The following ZNF484 variants were observed in gnomAD, a reference collection of about 807,000 sequenced individuals.
ZNF484 encodes zinc finger protein 484.
In ZNF484, 11 loss-of-function variants were observed where a neutral mutation model predicts 12.9. That is an observed-to-expected ratio of 0.85 (90% CI 0.54 to 1.41). The LOEUF (loss-of-function observed/expected upper bound fraction) is 1.41. Among genes scored for constraint, ZNF484 ranks in the 40% most tolerant of loss-of-function variants. The probability of loss-of-function intolerance (pLI) is 0.00; values close to 1 mark genes in which losing one functional copy is unlikely to be tolerated. For missense variants in ZNF484, 807 were observed against 1,007.7 expected (o/e 0.80, Z 2.70); for synonymous variants, 289 against 334.1 (o/e 0.86, Z 1.47).
In ZNF484 at chr9:92,846,174, C is replaced by G. The variant is rs1232946916; in HGVS notation, c.*54G>C. On this transcript the variant is annotated 3_prime_UTR_variant, in exon 5 of 5. Coordinates refer to ENST00000375495, the MANE Select transcript of ZNF484 (RefSeq NM_031486.4). ...TGCTTAAACACTCTCAAAAGTGTCT[C>G]CCCATATGTGTAACTACACATCAGC... 1.9e-6 allele frequency: 3 copies of G among 1,552,820 alleles called. No homozygotes were observed. Among genetic ancestry groups the G allele is most frequent in the Non-Finnish European group, 2.6e-6 (3 of 1,148,100 alleles).
Position 92,872,511 on chromosome 9 carries a change from A to C in ZNF484, c.15+2504T>G, listed in dbSNP as rs1241389484. 1.5e-3 allele frequency among the ~76,000 whole-genome samples: 207 copies of C among 141,128 alleles called. 1 individual carries two copies. The highest frequency in any genetic ancestry group is 2.3e-3 in the Non-Finnish European group (150 of 65,334). 92.6% of individuals were successfully genotyped at this position (141,128 alleles called of 152,430 possible). A position where few individuals can be genotyped will look rare whatever the true frequency, so the allele number is the denominator to read the frequency against. ...GCCTCAAAAAAAAAAAAAAAAAAAAAAGTTAAAGGAGAGGCAATAAAAGAG... is the reference window on the plus strand; with the variant it reads ...GCCTCAAAAAAAAAAAAAAAAAAAACAGTTAAAGGAGAGGCAATAAAAGAG... On this transcript the variant is annotated intron_variant, in intron 2 of 4. Transcript: ENST00000375495.
At chr9:92,852,469 G>T (rs1856156281) in intron 4 of ZNF484, among the ~76,000 whole-genome samples, 1 of 147,274 alleles carries the variant, frequency 6.8e-6, no homozygotes. Context: ...AATTGACCTT[G>T]TGATCCACCT....
intron 4 of ZNF484, among the ~76,000 whole-genome samples, chr9:92,853,581 C>T (rs1856240353): frequency 6.6e-6 from 1 of 152,144 alleles, no homozygotes; most frequent in Non-Finnish European, 1.5e-5. Flanking sequence ...ATCTAAGACA[C>T]AGATTATGCT....
At chr9:92,871,035 A>C (rs1857399578) in intron 2 of ZNF484, among the ~76,000 whole-genome samples, 1 of 152,238 alleles carries the variant, frequency 6.6e-6, no homozygotes, top group Non-Finnish European at 1.5e-5. Context: ...TCCACAATAC[A>C]TTACAAAATC....
intron 2 of ZNF484, chr9:92,862,093 A>C (rs1587750862): frequency 7.6e-6 from 7 of 917,304 alleles, no homozygotes; most frequent in African/African-American, 7.2e-5. Context: ...AGTGAAAATA[A>C]AATAGGCTCT....
At chr9:92,875,566 T>C (rs1209509854) in intron 1 of ZNF484, among the ~76,000 whole-genome samples, 1 of 152,196 alleles carries the variant, frequency 6.6e-6, no homozygotes, top group African/African-American at 2.4e-5. Flanking sequence ...GAGTCTTCAA[T>C]TCCTCTACCC....
intron 4 of ZNF484, among the ~76,000 whole-genome samples, chr9:92,852,651 C>T (rs1856175939): frequency 6.6e-6 from 1 of 151,466 alleles, no homozygotes; most frequent in Non-Finnish European, 1.5e-5. Flanking sequence ...ATTCTCCTGC[C>T]TCAGCCTCCT....
chr9:92,872,645 A>G (rs563288557), intron 2 of ZNF484, among the ~76,000 whole-genome samples: 177 of 152,326 alleles, frequency 1.2e-3, no homozygotes, highest in African/African-American at 4.2e-3. Context: ...ACCCACTAGA[A>G]GCTAGAAAAG....
chr9:92,869,015 C>T (rs576298916), intron 2 of ZNF484, among the ~76,000 whole-genome samples: 1 of 152,048 alleles, frequency 6.6e-6, no homozygotes, highest in South Asian at 2.1e-4. Flanking sequence ...CAAGCCACCG[C>T]GCCTGGGTTG....
At chr9:92,871,748 A>C (rs761332338) in intron 2 of ZNF484, among the ~76,000 whole-genome samples, 2 of 152,244 alleles carry the variant, frequency 1.3e-5, no homozygotes, top group African/African-American at 2.4e-5. Context: ...GATACTAAGA[A>C]CCATGGCTCC....
chr9:92,877,835 A>G (rs778640087), intron 1 of ZNF484, 55 bp downstream of exon 1: 65 of 1,535,732 alleles, frequency 4.2e-5, no homozygotes, highest in Non-Finnish European at 5.5e-5. Flanking sequence ...GGCTCAGGAC[A>G]GACATCAGAG....
At chr9:92,855,173 C>T (rs923747857) in intron 4 of ZNF484, among the ~76,000 whole-genome samples, 2 of 152,084 alleles carry the variant, frequency 1.3e-5, no homozygotes, top group African/African-American at 4.8e-5. Flanking sequence ...TACCTGTACA[C>T]TAGATAAAAA....
At position 92,848,945 on chromosome 9, in the gene ZNF484, AT is replaced by A. The variant is rs1855884232; in HGVS notation, c.236-395del. 2.7e-5 allele frequency among the ~76,000 whole-genome samples: 4 copies of A among 150,494 alleles called. No individual in the cohort carries two copies. In the South Asian group the frequency reaches 8.3e-4, roughly 31 times the overall value. On this transcript the variant is annotated intron_variant, in intron 4 of 4. Coordinates refer to ENST00000375495, the MANE Select transcript of ZNF484 (RefSeq NM_031486.4). This position sits in a 1 kb window ranked among gnomAD's most constrained non-coding sequence, Gnocchi z 4.1. ...AATAAATAAATAAATAAATAAATAAATAAATAAATAAAAATACAATAGACCT... is the reference window on the plus strand; with the variant it reads ...AATAAATAAATAAATAAATAAATAAAAAATAAATAAAAATACAATAGACCT...
chr9:92,870,317 A>G (rs970555199), intron 2 of ZNF484, among the ~76,000 whole-genome samples: 3 of 152,264 alleles, frequency 2.0e-5, no homozygotes, highest in Admixed American at 2.0e-4. Context: ...TTCTCTAGCT[A>G]AAAGACCAGG....
chr9:92,857,002 G>A lies in ZNF484; in HGVS notation c.16-684C>T, dbSNP rs369510960. ...GCCTCCCAAAGTGCTGGGATTACAG[G>A]CATGAGCCACGACACCCAGCCTAAT... On this transcript the variant is annotated intron_variant, in intron 2 of 4. Transcript: ENST00000375495. Among the ~76,000 whole-genome samples the A allele has an allele frequency of 3.7e-4, 57 of 152,330 alleles. 1 individual carries two copies. The highest frequency in any genetic ancestry group is 1.3e-3 in the African/African-American group (53 of 41,586).
intron 4 of ZNF484, among the ~76,000 whole-genome samples, chr9:92,854,109 G>C (rs1019671241): frequency 1.3e-5 from 2 of 152,146 alleles, no homozygotes; most frequent in Admixed American, 6.5e-5. Context: ...AAAAAAGAGA[G>C]AGAGATGAGG....
At chr9:92,852,527 GC>G (rs1221797018) in intron 4 of ZNF484, among the ~76,000 whole-genome samples, 7 of 114,316 alleles carry the variant, frequency 6.1e-5, no homozygotes, top group African/African-American at 2.3e-4. Flanking sequence ...ACCACGCCCA[GC>G]CTTTTTTTTT....
Position 92,848,950 on chromosome 9 carries a change from TAA to T in ZNF484, c.236-401_236-400del, listed in dbSNP as rs1855884936. On this transcript the variant is annotated intron_variant, in intron 4 of 4. Coordinates refer to ENST00000375495, the MANE Select transcript of ZNF484 (RefSeq NM_031486.4). The surrounding 1 kb of genome is among the most constrained non-coding windows in gnomAD (Gnocchi z 4.1). ...ATAAATAAATAAATAAATAAATAAA[TAA>T]ATAAAAATACAATAGACCTTTGATT... 6.9e-6 allele frequency among the ~76,000 whole-genome samples: 1 copy of T among 143,978 alleles called. No individual in the cohort carries two copies. The highest frequency in any genetic ancestry group is 2.6e-5 in the African/African-American group (1 of 39,020). The allele number at this position is 143,978 out of a possible 152,430, so 94.5% of individuals were successfully genotyped here.
chr9:92,856,761 G>A (rs1023698521), intron 2 of ZNF484, among the ~76,000 whole-genome samples: 3 of 151,968 alleles, frequency 2.0e-5, no homozygotes, highest in African/African-American at 2.4e-5. Flanking sequence ...TCGCTCAGTC[G>A]CCCAGGCTGG....
Sources: allele counts gnomAD v4.1 joint callset (sites outside exome capture counted in the v4.1 genomes callset), GRCh38; gene constraint gnomAD v4.1.1; non-coding constraint Gnocchi (gnomAD v3.1); transcripts MANE v1.5; gene names NCBI Gene and HGNC (gene_info 2026-07-23, HGNC 2026-07-21).